MROH1: variants seen among roughly 807,000 people sequenced by gnomAD.
The protein encoded by MROH1 is maestro heat like repeat family member 1.
In MROH1, 117 loss-of-function variants were observed where a neutral mutation model predicts 116.5. The observed-to-expected ratio is 1.00, with a 90% CI of 0.86 to 1.17. MROH1 has a LOEUF of 1.17. MROH1 is among the 50% of genes most tolerant of loss of function. The probability of loss-of-function intolerance (pLI) is 0.00; values close to 1 mark genes in which losing one functional copy is unlikely to be tolerated. For missense variants in MROH1, 1,873 were observed against 1,338.5 expected (o/e 1.40, Z -6.23); for synonymous variants, 921 against 583.9 (o/e 1.58, Z -8.32).
chr8:144,231,810 T>G (rs574389146), intron 14 of MROH1, among the ~76,000 whole-genome samples: 1 of 152,284 alleles, frequency 6.6e-6, no homozygotes, highest in South Asian at 2.1e-4. Context: ...GACCTTCCAC[T>G]TGGTTAAAAT....
intron 7 of MROH1, among the ~76,000 whole-genome samples, chr8:144,189,950 A>G (rs1258851865): frequency 2.0e-5 from 3 of 152,200 alleles, no homozygotes; most frequent in Admixed American, 2.0e-4. Context: ...GGTGGCTTCA[A>G]ACAACAGAAA....
intron 4 of MROH1, among the ~76,000 whole-genome samples, chr8:144,171,846 C>T (rs1403565223): frequency 6.6e-6 from 1 of 152,188 alleles, no homozygotes; most frequent in African/African-American, 2.4e-5. Flanking sequence ...TGCCTAGTGG[C>T]CTACTCTAAC....
At chr8:144,186,781 C>T (rs983755257) in intron 7 of MROH1, among the ~76,000 whole-genome samples, 1 of 152,176 alleles carries the variant, frequency 6.6e-6, no homozygotes, top group Non-Finnish European at 1.5e-5. Context: ...GGCCACTGCC[C>T]TTGTTTATTC....
Position 144,261,855 on chromosome 8 carries a change from G to C in MROH1, c.*115G>C, listed in dbSNP as rs1320982641. 4.0e-5 allele frequency: 28 copies of C among 692,912 alleles called. 1 individual carries two copies. In the East Asian group the frequency reaches 4.6e-4, roughly 11 times the overall value. 42.9% of individuals were successfully genotyped at this position (692,912 alleles called of 1,614,324 possible). A position where few individuals can be genotyped will look rare whatever the true frequency, so the allele number is the denominator to read the frequency against. ...ACACGACTGGAGGGGCCTGGCCCCA[G>C]AACAGGCACTGCTGGGGACCAAACC... On this transcript the variant is annotated 3_prime_UTR_variant, in exon 44 of 44. Transcript: ENST00000326134.
chr8:144,169,374 G>A (rs979733808), intron 4 of MROH1, among the ~76,000 whole-genome samples: 7 of 151,634 alleles, frequency 4.6e-5, no homozygotes, highest in African/African-American at 1.7e-4. Flanking sequence ...CCTGGGGCAG[G>A]GTCTCTCCTT....
intron 22 of MROH1, 90 bp downstream of exon 22, chr8:144,241,607 G>A: frequency 1.3e-6 from 1 of 768,682 alleles, no homozygotes; most frequent in Non-Finnish European, 2.4e-6. Flanking sequence ...AGTGGGGCAG[G>A]AAGCTGGTTG....
intron 11 of MROH1, among the ~76,000 whole-genome samples, 175 bp downstream of exon 11, chr8:144,199,375 C>T (rs1408125379): frequency 6.6e-6 from 1 of 152,140 alleles, no homozygotes; most frequent in Non-Finnish European, 1.5e-5. Flanking sequence ...AGGGCCTGGG[C>T]AGTGGCTGCA....
At chr8:144,179,618 C>G (rs1825026798) in intron 5 of MROH1, 32 bp downstream of exon 5, 2 of 1,577,968 alleles carry the variant, frequency 1.3e-6, no homozygotes, top group Non-Finnish European at 1.7e-6. Flanking sequence ...CTCGCAGACT[C>G]AGGCCTAGCT....
At position 144,239,604 on chromosome 8, in the gene MROH1, CTCT is replaced by C. The variant is rs1332624386; in HGVS notation, c.1633-8_1633-6del. ...TGCTCAGACCCGGCTCCCACGCTGC[CTCT>C]TTTCAGGTTGTGTCTTCCAGCCCCT... On this transcript the variant is annotated splice_region_variant and splice_polypyrimidine_tract_variant and intron_variant, in intron 17 of 43. Transcript: ENST00000326134. The C allele has an allele frequency of 7.8e-6, 6 of 772,130 alleles. No homozygotes were observed. The Admixed American group carries it at 1.0e-4, about 13-fold the overall frequency. The allele number at this position is 772,130 out of a possible 1,614,324, so 47.8% of individuals were successfully genotyped here. A position where few individuals can be genotyped will look rare whatever the true frequency, so the allele number is the denominator to read the frequency against.
chr8:144,164,111 T>A (rs1262183349), intron 3 of MROH1, among the ~76,000 whole-genome samples: 6 of 149,938 alleles, frequency 4.0e-5, no homozygotes, highest in South Asian at 2.1e-4. Flanking sequence ...TTTTTTTTTT[T>A]AAGACAGGGT....
intron 4 of MROH1, among the ~76,000 whole-genome samples, 194 bp downstream of exon 4, chr8:144,168,634 G>T (rs537125976): frequency 2.6e-5 from 4 of 152,262 alleles, no homozygotes; most frequent in Non-Finnish European, 5.9e-5. Flanking sequence ...GTGGGGTATG[G>T]CCACATCCCC....
chr8:144,180,593 T>A lies in MROH1; in HGVS notation c.562+70T>A. The stretch of plus-strand genomic sequence containing the variant: ...GGGGGGCTGTTCCCGGGCATGCCTG[T>A]TTTAGGGGGGACAGGTGGGCACTTT... On this transcript the variant is annotated intron_variant, in intron 7 of 43. Coordinates refer to ENST00000326134, the MANE Select transcript of MROH1 (RefSeq NM_032450.3). This position sits in a 1 kb window ranked among gnomAD's most constrained non-coding sequence, Gnocchi z 7.4. The A allele has an allele frequency of 7.1e-7, 1 of 1,403,094 alleles. No individual in the cohort carries two copies. Among genetic ancestry groups the A allele is most frequent in the Non-Finnish European group, 9.8e-7 (1 of 1,017,858 alleles). The allele number at this position is 1,403,094 out of a possible 1,614,324, so 86.9% of individuals were successfully genotyped here.
chr8:144,194,853 A>T (rs1031531109), intron 10 of MROH1, among the ~76,000 whole-genome samples: 41 of 151,980 alleles, frequency 2.7e-4, no homozygotes, highest in Non-Finnish European at 3.1e-4. Context: ...GGCTGCAGTG[A>T]GCCATGATCA....
In MROH1 at chr8:144,168,445, G is replaced by A; in HGVS notation, c.168+5G>A. 4.4e-6 allele frequency: 7 copies of A among 1,601,518 alleles called. No individual in the cohort carries two copies. Among genetic ancestry groups the A allele is most frequent in the Non-Finnish European group, 6.0e-6 (7 of 1,174,412 alleles). On this transcript the variant is annotated splice_donor_5th_base_variant and intron_variant, in intron 4 of 43. Transcript: ENST00000326134. ...TATCTGCGGCAGCATGACAAGGTAT[G>A]TGTGCTCCTTGGTGGGGATGATGTT...
rs1844433712 is a variant in MROH1 at position 144,258,901 on chromosome 8, A to G, written c.3916A>G (p.Thr1306Ala). The change falls in exon 36 of 44, where the codon ACC becomes GCC. Residue 1306 changes from threonine (T) to alanine (A), a missense_variant. Coordinates refer to ENST00000326134, the MANE Select transcript of MROH1 (RefSeq NM_032450.3). The stretch of plus-strand genomic sequence containing the variant: ...CTCGGCGGGGCATGAGGAGGGGGCC[A>G]CCAGGTTGGCCAGGTGAGCGGGCCC... ...RTSAGHEEGA[T>A]RLARAMAEHA... The G allele has an allele frequency of 4.0e-6, 3 of 756,690 alleles. No homozygotes were observed. Among genetic ancestry groups the G allele is most frequent in the African/African-American group, 1.7e-5 (1 of 58,806 alleles). The allele number at this position is 756,690 out of a possible 1,614,324, so 46.9% of individuals were successfully genotyped here.
At position 144,181,781 on chromosome 8, in the gene MROH1, G is replaced by A. The variant is rs1181121678; in HGVS notation, c.562+1258G>A. Among the ~76,000 whole-genome samples, 4 of 152,112 alleles carry A rather than the reference G, an allele frequency of 2.6e-5. No individual in the cohort carries two copies. The East Asian group carries it at 5.8e-4, about 22-fold the overall frequency. Reference sequence around the variant, plus strand: ...GGACGTGCCATCCAGGCTGCAGGGCGGAGACAGAACGGGGCCGCTGGGGCG... The same window carrying A: ...GGACGTGCCATCCAGGCTGCAGGGCAGAGACAGAACGGGGCCGCTGGGGCG... On this transcript the variant is annotated intron_variant, in intron 7 of 43. Transcript: ENST00000326134.
chr8:144,202,697 AG>A (rs1398919059), intron 12 of MROH1, among the ~76,000 whole-genome samples: 2 of 107,646 alleles, frequency 1.9e-5, no homozygotes, highest in Non-Finnish European at 3.7e-5. Flanking sequence ...AGGGGTTGGG[AG>A]GGGAGCGTCC....
chr8:144,184,592 C>T, intron 7 of MROH1, among the ~76,000 whole-genome samples: 1 of 152,182 alleles, frequency 6.6e-6, no homozygotes, highest in East Asian at 1.9e-4. Context: ...TAACCATTTC[C>T]ATTAAAGAGT....
intron 32 of MROH1, among the ~76,000 whole-genome samples, chr8:144,249,985 GC>G (rs1448890374): frequency 2.6e-5 from 4 of 152,344 alleles, no homozygotes; most frequent in Admixed American, 2.6e-4. Flanking sequence ...ACCTCCCGGG[GC>G]ACTGGCCACT....
Sources: allele counts gnomAD v4.1 joint callset (sites outside exome capture counted in the v4.1 genomes callset), GRCh38; gene constraint gnomAD v4.1.1; non-coding constraint Gnocchi (gnomAD v3.1); transcripts MANE v1.5; gene names NCBI Gene and HGNC (gene_info 2026-07-23, HGNC 2026-07-21).